The following REV3L variants were observed in gnomAD, a reference collection of about 807,000 sequenced individuals.
The protein encoded by REV3L is DNA polymerase zeta catalytic subunit.
In REV3L, 69 loss-of-function variants were observed where a neutral mutation model predicts 299.4. The observed-to-expected ratio is 0.23, with a 90% CI of 0.19 to 0.28. The LOEUF (loss-of-function observed/expected upper bound fraction) is 0.28. Ranked by LOEUF, REV3L falls within the 10% of genes least tolerant of loss-of-function variation. REV3L has a pLI of 1.00. For missense variants in REV3L, 3,128 were observed against 3,693.8 expected, an observed-to-expected ratio of 0.85 and a Z score of 3.97; for synonymous variants, 1,238 against 1,271.4, an observed-to-expected ratio of 0.97 and a Z score of 0.56.
intron 1 of REV3L, among the ~76,000 whole-genome samples, chr6:111,481,813 A>G (rs1372094967): frequency 6.6e-6 from 1 of 152,196 alleles, no homozygotes; most frequent in Admixed American, 6.5e-5. Flanking sequence ...TATCTTTTTT[A>G]TATTATCATA....
At chr6:111,397,919 C>T (rs1054657124) in intron 4 of REV3L, among the ~76,000 whole-genome samples, 6 of 151,914 alleles carry the variant, frequency 3.9e-5, no homozygotes, top group African/African-American at 9.6e-5. Flanking sequence ...TTACGGTGCC[C>T]GGCTCTAAAG....
rs1163413162 is a variant in REV3L at position 111,363,835 on chromosome 6, T to C, written c.6879+18A>G. The C allele has an allele frequency of 6.2e-7, 1 of 1,611,210 alleles. No individual in the cohort carries two copies. Among genetic ancestry groups the C allele is most frequent in the African/African-American group, 1.3e-5 (1 of 74,798 alleles). On this transcript the variant is annotated intron_variant, in intron 16 of 31. Transcript: ENST00000368802. ...TAAACTGAACACAATGTATGTGTCC[T>C]TACTGTTGCAGTTTTACCTCATGTA...
At position 111,335,463 on chromosome 6, in the gene REV3L, T is replaced by G. The variant is rs1775811205; in HGVS notation, c.7680+6A>C. 1.9e-6 allele frequency: 3 copies of G among 1,607,086 alleles called. No individual in the cohort carries two copies. The highest frequency in any genetic ancestry group is 2.5e-6 in the Non-Finnish European group (3 of 1,177,326). ...TTTCAAGTCTGCAAGAAAACTGATT[T>G]CCCACCTGTGAACCCCTTGTCAGTA... On this transcript the variant is annotated splice_donor_region_variant and intron_variant, in intron 22 of 31. Transcript: ENST00000368802.
intron 14 of REV3L, among the ~76,000 whole-genome samples, chr6:111,366,613 T>C (rs1779241736): frequency 6.8e-6 from 1 of 147,742 alleles, no homozygotes; most frequent in Admixed American, 6.9e-5. Flanking sequence ...GTTTTAGCTA[T>C]AAGTTTACTG....
At chr6:111,351,572 C>G (rs1258534469) in intron 19 of REV3L, 104 bp downstream of exon 19, 2 of 701,032 alleles carry the variant, frequency 2.9e-6, no homozygotes, top group Non-Finnish European at 4.7e-6. Context: ...CAACTTAGTA[C>G]TAAAAAATTG....
At chr6:111,468,763 C>G (rs986211407) in intron 1 of REV3L, among the ~76,000 whole-genome samples, 56 of 152,230 alleles carry the variant, frequency 3.7e-4, no homozygotes, top group Non-Finnish European at 2.2e-4. Flanking sequence ...TAATATTTAG[C>G]CTGGTGTGGG....
intron 1 of REV3L, among the ~76,000 whole-genome samples, chr6:111,458,385 C>T (rs373026189): frequency 8.5e-5 from 13 of 152,242 alleles, no homozygotes; most frequent in African/African-American, 3.1e-4. Context: ...GACAATGATG[C>T]TCACTTTCAC....
chr6:111,363,926 C>A lies in REV3L; in HGVS notation c.6806G>T (p.Gly2269Val). The change falls in exon 16 of 32, where the codon GGA becomes GTA. Residue 2269 changes from glycine to valine, a missense_variant. Physicochemically the swap from Gly to Val is moderately radical, Grantham distance 109 (BLOSUM62 -3). This residue lies in a region of REV3L where 2,409 missense variants were observed against 2,611.8 expected (regional missense o/e 0.92). Coordinates refer to ENST00000368802, the MANE Select transcript of REV3L (RefSeq NM_001372078.1). ...ACCGTAAGTATTGTTTAAAGATGGT[C>A]CATCAATCTGAGAAGTTTCTTTCTG... ...TPQKETSQID[G>V]PSLNNTYGFK... 6.2e-7 allele frequency: 1 copy of A among 1,613,228 alleles called. No homozygotes were observed. The highest frequency in any genetic ancestry group is 8.5e-7 in the Non-Finnish European group (1 of 1,179,642).
At chr6:111,354,618 G>A (rs929675925) in intron 18 of REV3L, among the ~76,000 whole-genome samples, 1 of 152,122 alleles carries the variant, frequency 6.6e-6, no homozygotes, top group African/African-American at 2.4e-5. Flanking sequence ...AAGTTCAAAA[G>A]CCAAAGGATT....
At position 111,373,503 on chromosome 6, in the gene REV3L, C is replaced by G. The variant is rs149987536; in HGVS notation, c.4852G>C (p.Asp1618His). ...NSSQLDNSVS[D>H]DSPIFFSDPG... ...TCTGAAAAAAAGATGGGACTATCATCTGATACAGAGTTATCCAACTGGCTA... is the reference window on the plus strand; with the variant it reads ...TCTGAAAAAAAGATGGGACTATCATGTGATACAGAGTTATCCAACTGGCTA... The change falls in exon 13 of 32, where the codon GAT becomes CAT. Residue 1618 changes from aspartate to histidine, a missense_variant. Asp to His is a moderately conservative substitution (Grantham distance 81). This residue lies in a region of REV3L where 2,409 missense variants were observed against 2,611.8 expected (regional missense o/e 0.92). Transcript: ENST00000368802. The G allele has an allele frequency of 9.9e-6, 16 of 1,613,292 alleles. No homozygotes were observed. The highest frequency in any genetic ancestry group is 1.3e-5 in the African/African-American group (1 of 74,804).
chr6:111,459,986 T>C (rs1052889632), intron 1 of REV3L, among the ~76,000 whole-genome samples: 2 of 152,216 alleles, frequency 1.3e-5, no homozygotes, highest in Non-Finnish European at 2.9e-5. Context: ...ATCACAGCAC[T>C]ATTCACAACA....
chr6:111,476,394 C>A (rs1473764076), intron 1 of REV3L, among the ~76,000 whole-genome samples: 1 of 152,120 alleles, frequency 6.6e-6, no homozygotes, highest in Non-Finnish European at 1.5e-5. Context: ...TGGGCTGAAG[C>A]AATCCTCCCA....
intron 2 of REV3L, among the ~76,000 whole-genome samples, chr6:111,415,459 G>T (rs2128283741): frequency 6.6e-6 from 1 of 152,260 alleles, no homozygotes; most frequent in Non-Finnish European, 1.5e-5. Context: ...GTGTATAGTA[G>T]CTGGGGCCAT....
intron 18 of REV3L, among the ~76,000 whole-genome samples, chr6:111,355,803 C>T (rs1004750642): frequency 2.0e-5 from 3 of 152,080 alleles, no homozygotes; most frequent in Non-Finnish European, 4.4e-5. Context: ...AGTGTGGATA[C>T]TGAAAGCATC....
chr6:111,403,356 G>A (rs1328597269), intron 4 of REV3L, among the ~76,000 whole-genome samples: 1 of 152,164 alleles, frequency 6.6e-6, no homozygotes, highest in African/African-American at 2.4e-5. Context: ...ATTAAATTGT[G>A]CTTTGCTTTA....
intron 1 of REV3L, among the ~76,000 whole-genome samples, chr6:111,420,639 A>T (rs773414279): frequency 6.6e-6 from 1 of 152,192 alleles, no homozygotes; most frequent in Non-Finnish European, 1.5e-5. Flanking sequence ...CAGAGTTTGA[A>T]TTTTCCAATT....
chr6:111,469,799 G>A (rs934255030), intron 1 of REV3L, among the ~76,000 whole-genome samples: 4 of 152,168 alleles, frequency 2.6e-5, no homozygotes, highest in Admixed American at 6.5e-5. Flanking sequence ...CCAGACATAA[G>A]CTGCAGCAGA....
chr6:111,410,155 T>C (rs1181323152), intron 3 of REV3L, among the ~76,000 whole-genome samples: 1 of 152,202 alleles, frequency 6.6e-6, no homozygotes, highest in Non-Finnish European at 1.5e-5. Flanking sequence ...CAGTGAGCTA[T>C]GACTGCACCA....
At chr6:111,481,442 AT>A (rs1332236889) in intron 1 of REV3L, among the ~76,000 whole-genome samples, 3 of 152,252 alleles carry the variant, frequency 2.0e-5, no homozygotes, top group Non-Finnish European at 4.4e-5. Context: ...CAAGGTTCAT[AT>A]CAAAATCATA....
Sources: gnomAD v4.1 joint callset for allele counts (sites outside exome capture counted in the v4.1 genomes callset) on GRCh38, gnomAD v4.1.1 for gene constraint, gnomAD v4.1.1 regional missense constraint, MANE v1.5 for transcripts, NCBI Gene and HGNC (gene_info 2026-07-23, HGNC 2026-07-21) for gene names.